TBK1: variants seen among roughly 807,000 people sequenced by gnomAD.
The protein encoded by TBK1 is serine/threonine-protein kinase TBK1.
TBK1 carries 37 observed loss-of-function variants against 99.9 expected under a neutral mutation model. That is an observed-to-expected ratio of 0.37 (90% CI 0.28 to 0.49). TBK1 has a LOEUF of 0.49. TBK1 is among the 20% of genes least tolerant of loss of function. TBK1 has a pLI of 0.98. For synonymous variants in TBK1, 258 were observed against 279.8 expected (o/e 0.92, Z 0.78); for missense variants, 644 against 872.5 (o/e 0.74, Z 3.30).
intron 15 of TBK1, 47 bp from the exon 16 acceptor site, chr12:64,496,320 T>A: frequency 1.1e-6 from 1 of 933,712 alleles, no homozygotes; most frequent in Non-Finnish European, 1.6e-6. Flanking sequence ...TTGTGTATAA[T>A]ATTATGATTC....
chr12:64,485,418 A>C, intron 9 of TBK1, 37 bp from the exon 10 acceptor site: 1 of 1,143,928 alleles, frequency 8.7e-7, no homozygotes, highest in Non-Finnish European at 1.3e-6. Context: ...TTTTTCAAAA[A>C]GTTTTCTTTC....
intron 11 of TBK1, among the ~76,000 whole-genome samples, chr12:64,486,430 C>G (rs902161532): frequency 6.6e-6 from 1 of 151,802 alleles, no homozygotes; most frequent in Admixed American, 6.6e-5. Flanking sequence ...TTTTTTATCA[C>G]ACCGTATTTT....
intron 6 of TBK1, among the ~76,000 whole-genome samples, chr12:64,476,881 A>C (rs1565817922): frequency 6.6e-6 from 1 of 152,138 alleles, no homozygotes; most frequent in South Asian, 2.1e-4. Context: ...TTTATTCTGC[A>C]TATGGTTAGC....
chr12:64,461,631 A>G (rs1413452814), intron 3 of TBK1, among the ~76,000 whole-genome samples: 2 of 152,210 alleles, frequency 1.3e-5, no homozygotes, highest in African/African-American at 2.4e-5. Context: ...AGCCTTCCAC[A>G]CTGCCAAGTC....
chr12:64,487,269 C>T (rs528386796), intron 11 of TBK1, among the ~76,000 whole-genome samples: 2 of 152,220 alleles, frequency 1.3e-5, no homozygotes, highest in Non-Finnish European at 2.9e-5. Flanking sequence ...GCCTTGTGGC[C>T]GACAGATGTT....
intron 15 of TBK1, 169 bp downstream of exon 15, chr12:64,495,944 C>T (rs945826265): frequency 1.9e-6 from 1 of 521,898 alleles, no homozygotes; most frequent in African/African-American, 2.1e-5. Context: ...AAAAAAAAAA[C>T]TATCCTTAAA....
chr12:64,498,065 T>A (rs1277515457), intron 20 of TBK1, 26 bp downstream of exon 20: 7 of 1,568,972 alleles, frequency 4.5e-6, no homozygotes, highest in Non-Finnish European at 5.2e-6. Flanking sequence ...ATAATTACTG[T>A]GATTTTCTGT....
rs537975974 is a variant in TBK1 at position 64,475,827 on chromosome 12, C to T, written c.701+1437C>T. Among the ~76,000 whole-genome samples the T allele has an allele frequency of 1.4e-4, 22 of 152,256 alleles. No individual in the cohort carries two copies. In the South Asian group the frequency reaches 4.6e-3, roughly 32 times the overall value. On this transcript the variant is annotated intron_variant, in intron 6 of 20. Transcript: ENST00000331710. ...CGTGAATACTGCTGGGATAAACATACAAGCGCATGTCTTTTTAGGTAGGAT... is the reference window on the plus strand; with the variant it reads ...CGTGAATACTGCTGGGATAAACATATAAGCGCATGTCTTTTTAGGTAGGAT...
Position 64,485,567 on chromosome 12 carries a change from A to G in TBK1, c.1248+54A>G, listed in dbSNP as rs2040812503. The G allele has an allele frequency of 2.1e-5, 19 of 902,730 alleles. 1 individual carries two copies. The South Asian group carries it at 3.2e-4, about 15-fold the overall frequency. The allele number at this position is 902,730 out of a possible 1,614,324, so 55.9% of individuals were successfully genotyped here. A position where few individuals can be genotyped will look rare whatever the true frequency, so the allele number is the denominator to read the frequency against. ...ACATCTGAATTTAATGTATCCTATC[A>G]ATAGTGGAAGCAATAACATGTATTG... On this transcript the variant is annotated intron_variant, in intron 10 of 20. Transcript: ENST00000331710.
chr12:64,494,105 A>G (rs1326386142), intron 13 of TBK1, among the ~76,000 whole-genome samples: 1 of 152,176 alleles, frequency 6.6e-6, no homozygotes, highest in Non-Finnish European at 1.5e-5. Flanking sequence ...ATAATTTAAC[A>G]CATTCTAAAC....
At chr12:64,497,891 A>G in intron 19 of TBK1, 77 bp from the exon 20 acceptor site, 3 of 1,469,618 alleles carry the variant, frequency 2.0e-6, no homozygotes, top group Non-Finnish European at 2.8e-6. Context: ...GACCAGTTAA[A>G]AGAAAATAAA....
At chr12:64,458,614 C>G (rs560230259) in intron 2 of TBK1, among the ~76,000 whole-genome samples, 1 of 151,944 alleles carries the variant, frequency 6.6e-6, no homozygotes, top group South Asian at 2.1e-4. Context: ...TAGTACGTTT[C>G]CACCTGGATC....
At chr12:64,463,916 T>G (rs997872264) in intron 3 of TBK1, among the ~76,000 whole-genome samples, 1 of 151,378 alleles carries the variant, frequency 6.6e-6, no homozygotes, top group Non-Finnish European at 1.5e-5. Context: ...CAGGCTGGAC[T>G]GCAGTAGTGC....
chr12:64,501,047 C>G (rs1200141113), intron 20 of TBK1, among the ~76,000 whole-genome samples: 1 of 152,172 alleles, frequency 6.6e-6, no homozygotes, highest in East Asian at 1.9e-4. Context: ...GCGTGAGCCA[C>G]TGCGCCGGCC....
chr12:64,480,782 T>A (rs969208215), intron 7 of TBK1, among the ~76,000 whole-genome samples: 39 of 152,234 alleles, frequency 2.6e-4, no homozygotes, highest in Admixed American at 6.5e-5. Flanking sequence ...TATCTGTGAT[T>A]ACTGAATTAG....
Position 64,476,062 on chromosome 12 carries a change from C to T in TBK1, c.701+1672C>T, listed in dbSNP as rs142173943. Among the ~76,000 whole-genome samples, 117 of 150,412 alleles carry T rather than the reference C, an allele frequency of 7.8e-4. 1 individual carries two copies. The highest frequency in any genetic ancestry group is 7.4e-4 in the Non-Finnish European group (50 of 67,688). On this transcript the variant is annotated intron_variant, in intron 6 of 20. Transcript: ENST00000331710. ...ATTTTTTTATAGCCATTCTGACTGG[C>T]GTGAGATGGTATCTCATTGCAGTTT...
intron 12 of TBK1, among the ~76,000 whole-genome samples, chr12:64,488,995 A>C (rs2040844335): frequency 6.6e-6 from 1 of 152,192 alleles, no homozygotes; most frequent in South Asian, 2.1e-4. Context: ...CATCTCAAAA[A>C]ACAAAATAAA....
At chr12:64,496,616 A>T (rs2040927590) in intron 16 of TBK1, among the ~76,000 whole-genome samples, 1 of 152,136 alleles carries the variant, frequency 6.6e-6, no homozygotes, top group African/African-American at 2.4e-5. Context: ...AGGAGGGGGG[A>T]GAAAGATTAC....
In TBK1 at chr12:64,453,732, G is replaced by A. The variant is rs548773005; in HGVS notation, c.-32+1545G>A. The stretch of plus-strand genomic sequence containing the variant: ...AATGACAATACAGCAGGTTTAAGGG[G>A]GCATGGTGGGACTAGTGTTTATGTT... On this transcript the variant is annotated intron_variant, in intron 1 of 20. Transcript: ENST00000331710. Among the ~76,000 whole-genome samples, 195 of 152,248 alleles carry A rather than the reference G, an allele frequency of 1.3e-3. 3 individuals are homozygous for A. The South Asian group carries it at 0.037, about 29-fold the overall frequency.
Sources: gnomAD v4.1 joint callset for allele counts (sites outside exome capture counted in the v4.1 genomes callset) on GRCh38, gnomAD v4.1.1 for gene constraint, MANE v1.5 for transcripts, NCBI Gene and HGNC (gene_info 2026-07-23, HGNC 2026-07-21) for gene names.